The following VSTM2A variants were observed in gnomAD, a reference collection of about 807,000 sequenced individuals.
VSTM2A encodes the protein V-set and transmembrane domain containing 2A.
Under a neutral mutation model 27.3 loss-of-function variants are expected in VSTM2A, and 13 were observed. That is an observed-to-expected ratio of 0.48 (90% confidence interval 0.31 to 0.76). VSTM2A has a LOEUF of 0.76. VSTM2A is among the 30% of genes least tolerant of loss of function. The pLI is 0.05. For missense variants in VSTM2A, 280 were observed against 310.0 expected, an observed-to-expected ratio of 0.90 and a Z score of 0.73; for synonymous variants, 142 against 125.7, an observed-to-expected ratio of 1.13 and a Z score of -0.87.
At chr7:54,558,337 C>A (rs1430039116) in intron 4 of VSTM2A, 1 of 151,992 alleles carries the variant, frequency 6.6e-6, no homozygotes, top group Non-Finnish European at 1.5e-5. Context: ...TTTATGGTAC[C>A]AGGTAGATAC....
intron 3 of VSTM2A, among the ~76,000 whole-genome samples, chr7:54,548,232 G>A (rs1033148452): frequency 2.6e-5 from 4 of 152,048 alleles, no homozygotes; most frequent in African/African-American, 9.7e-5. Flanking sequence ...GACCCCTGAT[G>A]CATACATTGA....
At chr7:54,546,475 C>G (rs1337354748) in intron 2 of VSTM2A, among the ~76,000 whole-genome samples, 2 of 151,810 alleles carry the variant, frequency 1.3e-5, no homozygotes, top group East Asian at 2.0e-4. Context: ...AACAAAGGCG[C>G]GAAAATTCGT....
At chr7:54,542,846 C>A (rs755685900) in intron 1 of VSTM2A, 37 bp downstream of exon 1, 3 of 1,566,194 alleles carry the variant, frequency 1.9e-6, no homozygotes, top group Non-Finnish European at 1.8e-6. Context: ...CATTTGCTTG[C>A]GTGTGTGTGT....
intron 2 of VSTM2A, chr7:54,546,666 C>G (rs1377423754): frequency 2.7e-6 from 1 of 372,206 alleles, no homozygotes; most frequent in African/African-American, 2.1e-5. Context: ...AGCATCCGCG[C>G]GGCAGGGACA....
At position 54,550,089 on chromosome 7, in the gene VSTM2A, C is replaced by T; in HGVS notation, c.553C>T (p.His185Tyr). Reference protein sequence around the residue: ...NVSAAIPSSIHGSANQRTHST... With the variant: ...NVSAAIPSSIYGSANQRTHST... ...CTCCGCAGCCATCCCCAGCAGCATC[C>T]ATGGCTCTGCCAACCAACGAACGCA... The change falls in exon 4 of 5, where the codon CAT (histidine) becomes TAT (tyrosine). Residue 185 changes from histidine to tyrosine, a missense_variant. Coordinates refer to ENST00000402613, the MANE Select transcript of VSTM2A (RefSeq NM_001301009.2). The T allele has an allele frequency of 1.9e-6, 3 of 1,608,548 alleles. No individual in the cohort carries two copies. Among genetic ancestry groups the T allele is most frequent in the Non-Finnish European group, 2.5e-6 (3 of 1,177,484 alleles).
chr7:54,562,146 T>C (rs1788581778), intron 4 of VSTM2A, among the ~76,000 whole-genome samples: 2 of 152,140 alleles, frequency 1.3e-5, no homozygotes, highest in South Asian at 4.2e-4. Flanking sequence ...ATGATCTTGA[T>C]CTCTCGACCT....
At chr7:54,563,688 T>C (rs1241493041) in intron 4 of VSTM2A, among the ~76,000 whole-genome samples, 1 of 152,182 alleles carries the variant, frequency 6.6e-6, no homozygotes, top group Non-Finnish European at 1.5e-5. Context: ...CGTGGGCAAC[T>C]GTACTCTCCC....
At chr7:54,560,261 G>A (rs555609651) in intron 4 of VSTM2A, among the ~76,000 whole-genome samples, 8 of 152,192 alleles carry the variant, frequency 5.3e-5, no homozygotes, top group African/African-American at 1.9e-4. Context: ...TGTGAAAATG[G>A]TCGGTACTCA....
rs921263903 is a variant in VSTM2A, at chr7:54,550,342, C to T, written c.634+172C>T. The T allele has an allele frequency of 3.9e-5, 57 of 1,451,934 alleles. No individual in the cohort carries two copies. The African/African-American group carries it at 8.0e-4, about 20-fold the overall frequency. The allele number at this position is 1,451,934 out of a possible 1,614,324, so 89.9% of individuals were successfully genotyped here. A position where few individuals can be genotyped will look rare whatever the true frequency, so the allele number is the denominator to read the frequency against. On this transcript the variant is annotated intron_variant, in intron 4 of 4. Coordinates refer to ENST00000402613, the MANE Select transcript of VSTM2A (RefSeq NM_001301009.2). ...CGAGCCTGCACCAATTCACTCAGAGCTCAAAGCATGTGGGTGCACCCCGTC... is the reference window on the plus strand; with the variant it reads ...CGAGCCTGCACCAATTCACTCAGAGTTCAAAGCATGTGGGTGCACCCCGTC...
chr7:54,564,967 A>G (rs1001056836), intron 4 of VSTM2A, among the ~76,000 whole-genome samples: 1 of 152,242 alleles, frequency 6.6e-6, no homozygotes, highest in Non-Finnish European at 1.5e-5. Flanking sequence ...TTCATATCCA[A>G]TATCAGTTCA....
intron 4 of VSTM2A, among the ~76,000 whole-genome samples, chr7:54,556,322 T>G (rs1191421280): frequency 3.3e-5 from 5 of 152,178 alleles, no homozygotes; most frequent in Non-Finnish European, 7.3e-5. Context: ...GTGTTCACCA[T>G]GATGTGAACC....
intron 1 of VSTM2A, 135 bp from the exon 2 acceptor site, chr7:54,544,487 C>A: frequency 9.2e-7 from 1 of 1,083,628 alleles, no homozygotes; most frequent in Non-Finnish European, 1.4e-6. Flanking sequence ...GCTGGGGGAA[C>A]CAGACGAAGC....
intron 2 of VSTM2A, 130 bp from the exon 3 acceptor site, chr7:54,546,817 G>GCCCCTGGTTGCTCCCCTGT: frequency 8.7e-7 from 1 of 1,147,644 alleles, no homozygotes; most frequent in Admixed American, 2.5e-5. Flanking sequence ...GGGTGGCCAC[G>GCCCCTGGTTGCTCCCCTGT]CCCCTGGTCG....
intron 4 of VSTM2A, among the ~76,000 whole-genome samples, chr7:54,555,809 T>C (rs1788336034): frequency 6.6e-6 from 1 of 152,176 alleles, no homozygotes; most frequent in Non-Finnish European, 1.5e-5. Flanking sequence ...CATAATTAGA[T>C]AATTTTACCA....
At chr7:54,567,402 A>G (rs1300210784) in intron 4 of VSTM2A, among the ~76,000 whole-genome samples, 1 of 152,210 alleles carries the variant, frequency 6.6e-6, no homozygotes, top group Non-Finnish European at 1.5e-5. Context: ...ACTCATGTAA[A>G]TCATGCTTTA....
At position 54,570,425 on chromosome 7, in the gene VSTM2A, G is replaced by GTACCTTTGTCATTCTGT. The variant is rs577825044; in HGVS notation, c.*1226_*1242dup. 1.3e-5 allele frequency: 2 copies of GTACCTTTGTCATTCTGT among 151,980 alleles called. No homozygotes were observed. Among genetic ancestry groups the GTACCTTTGTCATTCTGT allele is most frequent in the African/African-American group, 4.8e-5 (2 of 41,384 alleles). The allele number at this position is 151,980 out of a possible 1,614,324, so 9.4% of individuals were successfully genotyped here. A position where few individuals can be genotyped will look rare whatever the true frequency, so the allele number is the denominator to read the frequency against. On this transcript the variant is annotated 3_prime_UTR_variant, in exon 5 of 5. Transcript: ENST00000402613. ...CTTCCTTTGACCTTTATGAATTTCT[G>GTACCTTTGTCATTCTGT]TACCTTTGTCATTCTGTTACCTTTG...
At chr7:54,546,902 C>G (rs746813363) in intron 2 of VSTM2A, 45 bp from the exon 3 acceptor site, 120 of 1,592,504 alleles carry the variant, frequency 7.5e-5, no homozygotes, top group Non-Finnish European at 9.6e-5. Flanking sequence ...AGCGGGTGGT[C>G]GGGCGGGCCT....
At position 54,542,825 on chromosome 7, in the gene VSTM2A, T is replaced by A. The variant is rs747623005; in HGVS notation, c.79+16T>A. 5.6e-6 allele frequency: 9 copies of A among 1,610,006 alleles called. No homozygotes were observed. The highest frequency in any genetic ancestry group is 2.5e-6 in the Non-Finnish European group (3 of 1,177,300). ...TCTTCTCAAGGTAAGTCTTGCTCAA[T>A]GGCAAATATACATTTGCTTGCGTGT... On this transcript the variant is annotated intron_variant, in intron 1 of 4. Coordinates refer to ENST00000402613, the MANE Select transcript of VSTM2A (RefSeq NM_001301009.2).
chr7:54,565,614 C>T (rs1426963154), intron 4 of VSTM2A, among the ~76,000 whole-genome samples: 6 of 152,198 alleles, frequency 3.9e-5, no homozygotes, highest in East Asian at 1.9e-4. Context: ...GGCAGTGACG[C>T]GGAAGCAGGC....
Sources: allele counts gnomAD v4.1 joint callset (sites outside exome capture counted in the v4.1 genomes callset), GRCh38; gene constraint gnomAD v4.1.1; transcripts MANE v1.5; gene names NCBI Gene and HGNC (gene_info 2026-07-23, HGNC 2026-07-21).